Variants in RUNX3 observed in about 807,000 individuals in gnomAD.
RUNX3 encodes RUNX family transcription factor 3.
In RUNX3, 10 loss-of-function variants were observed where a neutral mutation model predicts 27.7. The observed-to-expected ratio is 0.36, with a 90% CI of 0.22 to 0.61. The LOEUF (loss-of-function observed/expected upper bound fraction) is 0.61. Among genes scored for constraint, RUNX3 ranks in the 20% least tolerant of loss-of-function variants. The pLI is 0.72. For missense variants in RUNX3, 469 were observed against 629.5 expected (o/e 0.75, Z 2.73); for synonymous variants, 270 against 269.2 (o/e 1.00, Z -0.03).
At chr1:24,957,580 G>A (rs1250713202) in intron 2 of RUNX3, among the ~76,000 whole-genome samples, 2 of 152,222 alleles carry the variant, frequency 1.3e-5, no homozygotes, top group Non-Finnish European at 2.9e-5. Context: ...ATGAAGCTGG[G>A]CCTTGAGAAG....
intron 2 of RUNX3, among the ~76,000 whole-genome samples, chr1:24,921,324 G>T (rs893738905): frequency 1.3e-5 from 2 of 152,190 alleles, no homozygotes; most frequent in Admixed American, 6.5e-5. Flanking sequence ...CAGCCAGGCT[G>T]CCAGGAGCCA....
At chr1:24,956,124 C>T (rs1184950695) in intron 2 of RUNX3, among the ~76,000 whole-genome samples, 4 of 152,214 alleles carry the variant, frequency 2.6e-5, no homozygotes. Context: ...AGGCAGGTGA[C>T]AGACACAGTG....
At chr1:24,934,112 T>C (rs1370147547), upstream of RUNX3, among the ~76,000 whole-genome samples, 2 of 152,178 alleles carry the variant, frequency 1.3e-5, no homozygotes, top group Non-Finnish European at 2.9e-5. Flanking sequence ...TGATGATCGA[T>C]TGTTTGAAGA....
At chr1:24,913,614 G>A (rs186639992) in intron 3 of RUNX3, among the ~76,000 whole-genome samples, 99 of 152,374 alleles carry the variant, frequency 6.5e-4, no homozygotes, top group South Asian at 2.9e-3. Context: ...CACCTCACAG[G>A]CATATGATAA....
rs757662116 is a variant in RUNX3, at chr1:24,927,635, G to C, written c.378C>G (p.Ala126=). The change falls in exon 2 of 5, where the codon GCC becomes GCG. Residue 126 remains alanine, a synonymous_variant. Coordinates refer to ENST00000308873, the MANE Select transcript of RUNX3 (RefSeq NM_004350.3). This position sits in a 1 kb window ranked among gnomAD's most constrained non-coding sequence, Gnocchi z 5.0. ...NYSAELRNAS[A]VMKNQVARFN... is the part of the protein sequence containing the mutation. The stretch of plus-strand genomic sequence containing the variant: ...ACCTGGCCACCTGGTTCTTCATGAC[G>C]GCCGAGGCATTGCGCAGCTCAGCGG... 1.9e-6 allele frequency: 3 copies of C among 1,614,106 alleles called. No individual in the cohort carries two copies. Among genetic ancestry groups the C allele is most frequent in the Non-Finnish European group, 2.5e-6 (3 of 1,180,024 alleles).
chr1:24,923,889 A>G lies in RUNX3; in HGVS notation c.439+3685T>C, dbSNP rs770941905. ...GCTCATGTGCTTTTCATTTTCACTT[A>G]GGCCAGTGGCCGCCTGCTAGAGGGG... On this transcript the variant is annotated intron_variant, in intron 2 of 4. Transcript: ENST00000308873. This position sits in a 1 kb window ranked among gnomAD's most constrained non-coding sequence, Gnocchi z 5.9. Among the ~76,000 whole-genome samples the G allele has an allele frequency of 6.6e-6, 1 of 152,144 alleles. No individual in the cohort carries two copies. Among genetic ancestry groups the G allele is most frequent in the Non-Finnish European group, 1.5e-5 (1 of 68,028 alleles).
chr1:24,930,896 C>G (rs575765081), upstream of RUNX3, among the ~76,000 whole-genome samples: 37 of 152,310 alleles, frequency 2.4e-4, no homozygotes, highest in East Asian at 7.2e-3. This position sits in a 1 kb window ranked among gnomAD's most constrained non-coding sequence, Gnocchi z 4.1. Context: ...GCCCCTGTGC[C>G]AAACCGGGGA....
At chr1:24,933,907 G>A (rs906112118), upstream of RUNX3, among the ~76,000 whole-genome samples, 49 of 152,152 alleles carry the variant, frequency 3.2e-4, no homozygotes, top group African/African-American at 1.1e-3. Flanking sequence ...TCCCAGCCTG[G>A]CCCTAAATCC....
Position 24,902,744 on chromosome 1 carries a change from C to T in RUNX3, c.704-78G>A, listed in dbSNP as rs1227659421. ...GCTTCCTGAAGAATGACCTTGGGCT[C>T]TGGTTCCCAAGGCCCATCTGGGGGA... On this transcript the variant is annotated intron_variant, in intron 4 of 4. Transcript: ENST00000308873. The surrounding 1 kb of genome is among the most constrained non-coding windows in gnomAD (Gnocchi z 9.2). 1.5e-6 allele frequency: 2 copies of T among 1,327,836 alleles called. No homozygotes were observed. The highest frequency in any genetic ancestry group is 2.0e-6 in the Non-Finnish European group (2 of 988,376). The allele number at this position is 1,327,836 out of a possible 1,614,324, so 82.3% of individuals were successfully genotyped here.
At chr1:24,940,752 A>T (rs1429993222) in intron 2 of RUNX3, among the ~76,000 whole-genome samples, 2 of 148,934 alleles carry the variant, frequency 1.3e-5, no homozygotes, top group African/African-American at 4.9e-5. Flanking sequence ...AAAAAAAATC[A>T]GGAGAGTGGT....
intron 2 of RUNX3, among the ~76,000 whole-genome samples, chr1:24,936,048 G>A (rs1641343483): frequency 6.6e-6 from 1 of 152,228 alleles, no homozygotes; most frequent in Non-Finnish European, 1.5e-5. Flanking sequence ...CTACCTGCCA[G>A]CAGAGCCATC....
intron 2 of RUNX3, chr1:24,961,269 C>A (rs1156999467): frequency 6.6e-6 from 1 of 152,286 alleles, no homozygotes; most frequent in African/African-American, 2.4e-5. Flanking sequence ...GGCTGTGGCA[C>A]TGGCTGAGTA....
At chr1:24,922,452 C>T (rs1177453279) in intron 2 of RUNX3, among the ~76,000 whole-genome samples, 1 of 152,082 alleles carries the variant, frequency 6.6e-6, no homozygotes, top group African/African-American at 2.4e-5. Context: ...GGCAACAAAC[C>T]ACAGAGGTAT....
chr1:24,951,873 C>T (rs1023307917), intron 2 of RUNX3, among the ~76,000 whole-genome samples: 1 of 152,072 alleles, frequency 6.6e-6, no homozygotes, highest in African/African-American at 2.4e-5. Flanking sequence ...ATTAAATGAG[C>T]TAAGGTATAT....
intron 2 of RUNX3, among the ~76,000 whole-genome samples, chr1:24,958,814 C>T (rs1221245141): frequency 2.0e-5 from 3 of 152,214 alleles, no homozygotes; most frequent in Non-Finnish European, 4.4e-5. Flanking sequence ...CCAGCACTGA[C>T]TCCTAGCAGA....
At chr1:24,932,699 C>T (rs937690790), upstream of RUNX3, among the ~76,000 whole-genome samples, 1 of 152,202 alleles carries the variant, frequency 6.6e-6, no homozygotes, top group African/African-American at 2.4e-5. Flanking sequence ...TGCTTCCTCC[C>T]CATCCCGGAC....
At chr1:24,908,864 G>A (rs2124257135) in intron 3 of RUNX3, among the ~76,000 whole-genome samples, 1 of 152,336 alleles carries the variant, frequency 6.6e-6, no homozygotes, top group Middle Eastern at 3.4e-3. Context: ...AAGTCACTCT[G>A]GGATCCCCAG....
intron 4 of RUNX3, among the ~76,000 whole-genome samples, chr1:24,903,799 G>A (rs1028507826): frequency 3.3e-5 from 5 of 152,158 alleles, no homozygotes; most frequent in African/African-American, 4.8e-5. Flanking sequence ...TTCTGGAGCC[G>A]GACAGTTATC....
At chr1:24,956,586 C>T (rs1297201994) in intron 2 of RUNX3, among the ~76,000 whole-genome samples, 1 of 152,172 alleles carries the variant, frequency 6.6e-6, no homozygotes, top group Non-Finnish European at 1.5e-5. Flanking sequence ...CCCCCTGGAC[C>T]TAGCACCTCT....
Sources: gnomAD v4.1 joint callset for allele counts (sites outside exome capture counted in the v4.1 genomes callset) on GRCh38, gnomAD v4.1.1 for gene constraint, Gnocchi (gnomAD v3.1) non-coding constraint, MANE v1.5 for transcripts, NCBI Gene and HGNC (gene_info 2026-07-23, HGNC 2026-07-21) for gene names.